Variants in UCK2 observed in about 807,000 individuals in gnomAD.
UCK2 encodes the protein cytidine monophosphokinase 2.
A neutral mutation model predicts 30.8 loss-of-function variants in UCK2; 6 were observed. That is an observed-to-expected ratio of 0.19 (90% CI 0.11 to 0.38). UCK2 has a LOEUF of 0.38. UCK2 is among the 10% of genes least tolerant of loss of function. UCK2 has a pLI of 1.00. For missense variants in UCK2, 210 were observed against 339.8 expected (o/e 0.62, Z 3.00); for synonymous variants, 125 against 133.6 (o/e 0.94, Z 0.45).
intron 1 of UCK2, among the ~76,000 whole-genome samples, chr1:165,869,158 A>C (rs1655126294): frequency 6.6e-6 from 1 of 152,206 alleles, no homozygotes; most frequent in Non-Finnish European, 1.5e-5. Context: ...GGCACCCCGA[A>C]ATAATTACAA....
At chr1:165,837,215 C>T (rs1012738075) in intron 1 of UCK2, among the ~76,000 whole-genome samples, 7 of 152,318 alleles carry the variant, frequency 4.6e-5, no homozygotes, top group Admixed American at 2.6e-4. Context: ...CCCTTGTGTT[C>T]CAGCCCACTG....
intron 1 of UCK2, among the ~76,000 whole-genome samples, chr1:165,877,279 A>G (rs74809737): frequency 3.4e-5 from 2 of 58,394 alleles, no homozygotes. Context: ...TTAGATAAAC[A>G]TTTTGTTTTG....
chr1:165,877,212 C>A (rs924849767), intron 1 of UCK2, among the ~76,000 whole-genome samples: 3 of 152,224 alleles, frequency 2.0e-5, no homozygotes, highest in Non-Finnish European at 2.9e-5. Context: ...AGAAGCTATA[C>A]CTCTGGGATA....
chr1:165,895,456 T>G, intron 3 of UCK2: 1 of 984,684 alleles, frequency 1.0e-6, no homozygotes, highest in Non-Finnish European at 1.2e-6. Context: ...TGTTTACAAT[T>G]AGTGCCTGCC....
At chr1:165,839,898 C>G (rs1476402802) in intron 1 of UCK2, among the ~76,000 whole-genome samples, 4 of 152,210 alleles carry the variant, frequency 2.6e-5, no homozygotes, top group Non-Finnish European at 4.4e-5. Flanking sequence ...GATGTGCTGT[C>G]AGAACAGGCT....
intron 1 of UCK2, among the ~76,000 whole-genome samples, chr1:165,858,629 G>T (rs1654814106): frequency 6.6e-6 from 1 of 152,136 alleles, no homozygotes; most frequent in East Asian, 1.9e-4. Flanking sequence ...TTTCTGTAGG[G>T]CCCCTGTGTT....
At chr1:165,844,570 C>G (rs1571267664) in intron 1 of UCK2, among the ~76,000 whole-genome samples, 1 of 152,162 alleles carries the variant, frequency 6.6e-6, no homozygotes, top group African/African-American at 2.4e-5. Flanking sequence ...AACAAGATAA[C>G]TGTGGTGGGC....
chr1:165,850,705 G>A (rs1443481880), intron 1 of UCK2, among the ~76,000 whole-genome samples: 4 of 147,412 alleles, frequency 2.7e-5, no homozygotes, highest in Admixed American at 6.9e-5. Flanking sequence ...TGCAAGCTCC[G>A]CCTCCCGTGT....
At chr1:165,890,520 AT>A (rs1476813035) in intron 2 of UCK2, among the ~76,000 whole-genome samples, 157 bp downstream of exon 2, 10 of 152,222 alleles carry the variant, frequency 6.6e-5, no homozygotes, top group Non-Finnish European at 1.2e-4. Flanking sequence ...TGTGGGGCTT[AT>A]GTGAAAGAAG....
chr1:165,840,660 G>C (rs1485915109), intron 1 of UCK2, among the ~76,000 whole-genome samples: 1 of 152,148 alleles, frequency 6.6e-6, no homozygotes, highest in Non-Finnish European at 1.5e-5. Flanking sequence ...AAGACCCATA[G>C]CTAGTCAGAT....
chr1:165,860,436 CT>C (rs562033552), intron 1 of UCK2, among the ~76,000 whole-genome samples: 2 of 149,222 alleles, frequency 1.3e-5, no homozygotes, highest in Non-Finnish European at 1.5e-5. Flanking sequence ...AGAGTGAATT[CT>C]TTTTTTTTTG....
Position 165,907,765 on chromosome 1 carries a change from A to G in UCK2, c.728A>G (p.Asn243Ser), listed in dbSNP as rs758652070. Reference protein sequence around the residue: ...PSKRQTNGCLNGYTPSRKRQA... With the variant: ...PSKRQTNGCLSGYTPSRKRQA... ...AAACGGCAGACCAATGGCTGTCTCA[A>G]CGGCTACACCCCTTCACGCAAGAGG... Residue 243 changes from asparagine to serine, a missense_variant, in exon 7 of 7, where the codon AAC (asparagine) becomes AGC (serine). Coordinates refer to ENST00000367879, the MANE Select transcript of UCK2 (RefSeq NM_012474.5). 1.9e-6 allele frequency: 3 copies of G among 1,614,100 alleles called. No homozygotes were observed. Among genetic ancestry groups the G allele is most frequent in the Admixed American group, 1.7e-5 (1 of 60,020 alleles).
chr1:165,903,161 T>G, intron 4 of UCK2, 21 bp from the exon 5 acceptor site: 1 of 1,604,776 alleles, frequency 6.2e-7, no homozygotes, highest in Non-Finnish European at 8.5e-7. Flanking sequence ...TTTTTGATTC[T>G]TGTTTTCCCT....
chr1:165,837,039 C>T (rs1441484002), intron 1 of UCK2, among the ~76,000 whole-genome samples: 1 of 152,082 alleles, frequency 6.6e-6, no homozygotes, highest in Non-Finnish European at 1.5e-5. Context: ...AAGGAACCCA[C>T]CCCTGTCATA....
intron 1 of UCK2, among the ~76,000 whole-genome samples, chr1:165,848,672 A>G (rs887375975): frequency 6.6e-6 from 1 of 151,842 alleles, no homozygotes; most frequent in Admixed American, 6.6e-5. Context: ...ACACACACAC[A>G]CACACCCCCA....
At chr1:165,836,521 A>G (rs960015567) in intron 1 of UCK2, among the ~76,000 whole-genome samples, 1 of 152,236 alleles carries the variant, frequency 6.6e-6, no homozygotes, top group Non-Finnish European at 1.5e-5. Context: ...TTTTGAATCA[A>G]CTAGCTTGCC....
At chr1:165,856,314 A>G (rs1370832123) in intron 1 of UCK2, among the ~76,000 whole-genome samples, 2 of 151,988 alleles carry the variant, frequency 1.3e-5, no homozygotes, top group Non-Finnish European at 2.9e-5. Context: ...TAGCCAAATT[A>G]TGGTACTAAG....
chr1:165,881,047 C>T (rs1335959498), intron 1 of UCK2, among the ~76,000 whole-genome samples: 1 of 151,854 alleles, frequency 6.6e-6, no homozygotes, highest in African/African-American at 2.4e-5. Context: ...GTGGTGCACA[C>T]CTATAGTCCC....
At chr1:165,846,166 T>G (rs190186124) in intron 1 of UCK2, among the ~76,000 whole-genome samples, 1 of 152,080 alleles carries the variant, frequency 6.6e-6, no homozygotes, top group Admixed American at 6.5e-5. Flanking sequence ...ATTAGCTGAG[T>G]GTGGCACCTG....
Sources: gnomAD v4.1 joint callset for allele counts (sites outside exome capture counted in the v4.1 genomes callset) on GRCh38, gnomAD v4.1.1 for gene constraint, MANE v1.5 for transcripts, NCBI Gene and HGNC (gene_info 2026-07-23, HGNC 2026-07-21) for gene names.